AAMDC: variants seen among roughly 807,000 people sequenced by gnomAD.
The protein encoded by AAMDC is mth938 domain-containing protein.
In AAMDC, 16 loss-of-function variants were observed where a neutral mutation model predicts 15.5. The ratio of observed to expected loss-of-function variants is 1.03; its 90% confidence interval spans 0.70 to 1.57. AAMDC has a LOEUF of 1.57. Ranked by LOEUF, AAMDC falls within the 40% of genes most tolerant of loss-of-function variation. The probability of loss-of-function intolerance (pLI) is 0.00; values close to 1 mark genes in which losing one functional copy is unlikely to be tolerated. For synonymous variants in AAMDC, 51 were observed against 51.6 expected, an observed-to-expected ratio of 0.99 and a Z score of 0.05; for missense variants, 141 against 144.9, an observed-to-expected ratio of 0.97 and a Z score of 0.14.
chr11:77,863,144 G>A (rs183134965), intron 2 of AAMDC, among the ~76,000 whole-genome samples: 21 of 152,276 alleles, frequency 1.4e-4, no homozygotes, highest in African/African-American at 3.6e-4. Flanking sequence ...CCTATCAGAA[G>A]CCGTGGGTCA....
chr11:77,823,744 A>G (rs61900167), intron 1 of AAMDC, among the ~76,000 whole-genome samples: 1,776 of 152,220 alleles, frequency 0.012, 16 homozygotes, highest in South Asian at 0.024. Flanking sequence ...AAAGCCAGGT[A>G]CAGGATATTT....
intron 5 of AAMDC, among the ~76,000 whole-genome samples, chr11:77,888,290 C>A (rs1195384646): frequency 1.3e-5 from 2 of 152,328 alleles, no homozygotes; most frequent in African/African-American, 2.4e-5. Flanking sequence ...ACCATCTGAT[C>A]TTTGACAAAC....
chr11:77,873,922 G>GA (rs1255188935), downstream of AAMDC, among the ~76,000 whole-genome samples: 1 of 152,186 alleles, frequency 6.6e-6, no homozygotes, highest in Non-Finnish European at 1.5e-5. Context: ...AGCAGCAGTG[G>GA]AAAGATGATT....
At chr11:77,862,832 G>A (rs1950939309) in intron 2 of AAMDC, among the ~76,000 whole-genome samples, 1 of 152,108 alleles carries the variant, frequency 6.6e-6, no homozygotes, top group African/African-American at 2.4e-5. Flanking sequence ...AGGATATCAT[G>A]GCCAGGTGGT....
At position 77,891,914 on chromosome 11, in the gene AAMDC, T is replaced by C. The variant is rs918986668; in HGVS notation, c.329-8657T>C. ...CACCACAGGCTGGGCCCCAGACACC[T>C]ATCAAACCCTGAAGTAGGAAGAATG... On this transcript the variant is annotated intron_variant, in intron 5 of 5. Coordinates refer to the AAMDC transcript ENST00000304716. 16 of 1,594,148 alleles carry C rather than the reference T, an allele frequency of 1.0e-5. No individual in the cohort carries two copies. In the African/African-American group the frequency reaches 1.5e-4, roughly 15 times the overall value.
At chr11:77,875,751 G>C (rs1191428511), downstream of AAMDC, among the ~76,000 whole-genome samples, 1 of 152,174 alleles carries the variant, frequency 6.6e-6, no homozygotes, top group East Asian at 1.9e-4. Flanking sequence ...AAGAGACACA[G>C]ATATGTCCTA....
At chr11:77,878,105 G>A (rs1347982413) in intron 5 of AAMDC, among the ~76,000 whole-genome samples, 1 of 152,148 alleles carries the variant, frequency 6.6e-6, no homozygotes. Flanking sequence ...GCTCACACTT[G>A]TAATCCCAGC....
At chr11:77,860,396 G>C (rs1474756567) in intron 2 of AAMDC, among the ~76,000 whole-genome samples, 1 of 152,212 alleles carries the variant, frequency 6.6e-6, no homozygotes, top group African/African-American at 2.4e-5. Context: ...AGTGTGGGCT[G>C]GGTACATTCC....
intron 5 of AAMDC, among the ~76,000 whole-genome samples, chr11:77,889,469 C>T (rs561379932): frequency 2.5e-4 from 38 of 152,144 alleles, no homozygotes; most frequent in Non-Finnish European, 3.2e-4. Context: ...ATGGGTGCAG[C>T]ACACCAGCAT....
intron 1 of AAMDC, chr11:77,841,041 G>A (rs1949910414): frequency 1.7e-6 from 1 of 585,004 alleles, no homozygotes; most frequent in Non-Finnish European, 3.1e-6. Flanking sequence ...GGAAGTCCAA[G>A]ACCAGTTGGC....
At chr11:77,895,474 G>A (rs1382189651) in intron 5 of AAMDC, among the ~76,000 whole-genome samples, 2 of 133,318 alleles carry the variant, frequency 1.5e-5, no homozygotes, top group Non-Finnish European at 3.1e-5. Flanking sequence ...GCCGGGGGTA[G>A]ATGGCAAATG....
intron 5 of AAMDC, chr11:77,878,850 A>T: frequency 2.3e-6 from 2 of 858,638 alleles, no homozygotes; most frequent in Non-Finnish European, 4.0e-6. Flanking sequence ...CATACTCCTT[A>T]AGCCTACACA....
At chr11:77,843,709 T>C (rs775611455) in intron 2 of AAMDC, among the ~76,000 whole-genome samples, 5 of 152,174 alleles carry the variant, frequency 3.3e-5, no homozygotes, top group Non-Finnish European at 7.3e-5. Context: ...AAGTGTGAGA[T>C]TAGGATGCCA....
downstream of AAMDC, among the ~76,000 whole-genome samples, chr11:77,876,623 A>AGCCC (rs939469801): frequency 1.1e-4 from 16 of 152,186 alleles, no homozygotes; most frequent in Admixed American, 8.5e-4. Context: ...CCCCTAGTAC[A>AGCCC]GCCCGTTCAA....
At chr11:77,872,819 G>A (rs867655988), downstream of AAMDC, among the ~76,000 whole-genome samples, 20 of 152,124 alleles carry the variant, frequency 1.3e-4, no homozygotes, top group Admixed American at 1.1e-3. Flanking sequence ...ATGGTGGCAC[G>A]AGCCTGTAAT....
chr11:77,879,908 T>C (rs567068687), intron 5 of AAMDC, among the ~76,000 whole-genome samples: 2 of 152,250 alleles, frequency 1.3e-5, no homozygotes, highest in East Asian at 3.9e-4. Context: ...CCTGCTACAT[T>C]ATGAAAGAAA....
chr11:77,890,318 A>G (rs535614800), intron 5 of AAMDC, among the ~76,000 whole-genome samples: 1 of 152,236 alleles, frequency 6.6e-6, no homozygotes, highest in Admixed American at 6.5e-5. Flanking sequence ...GGCCTGATTC[A>G]TCCTTACCTC....
intron 2 of AAMDC, among the ~76,000 whole-genome samples, chr11:77,843,753 AT>A (rs1590941032): frequency 6.6e-6 from 1 of 152,132 alleles, no homozygotes; most frequent in East Asian, 1.9e-4. Flanking sequence ...ATTCATTTTC[AT>A]TAGTTCATTT....
intron 5 of AAMDC, among the ~76,000 whole-genome samples, chr11:77,895,708 G>A (rs1001219934): frequency 1.3e-5 from 2 of 152,012 alleles, no homozygotes; most frequent in Non-Finnish European, 2.9e-5. Flanking sequence ...ATTTGGCCAA[G>A]CAGTGACATT....
Sources: allele counts gnomAD v4.1 joint callset (sites outside exome capture counted in the v4.1 genomes callset), GRCh38; gene constraint gnomAD v4.1.1; transcripts MANE v1.5; gene names NCBI Gene and HGNC (gene_info 2026-07-23, HGNC 2026-07-21).